Variants in MAP3K7CL observed in about 807,000 individuals in gnomAD.
The protein encoded by MAP3K7CL is MAP3K7 C-terminal-like protein.
MAP3K7CL carries 16 observed loss-of-function variants against 18.6 expected under a neutral mutation model. That is an observed-to-expected ratio of 0.86 (90% confidence interval 0.58 to 1.31). The LOEUF is 1.31. MAP3K7CL is among the 50% of genes most tolerant of loss of function. MAP3K7CL has a pLI of 0.00. For missense variants in MAP3K7CL, 163 were observed against 174.4 expected, an observed-to-expected ratio of 0.93 and a Z score of 0.37; for synonymous variants, 65 against 66.8, an observed-to-expected ratio of 0.97 and a Z score of 0.13.
chr21:29,081,183 T>A (rs889790333), upstream of MAP3K7CL, among the ~76,000 whole-genome samples: 15 of 152,200 alleles, frequency 9.9e-5, no homozygotes, highest in African/African-American at 3.6e-4. Flanking sequence ...AGGGAACATT[T>A]CATTTCATAG....
chr21:29,099,469 G>A (rs2086183268), intron 4 of MAP3K7CL, among the ~76,000 whole-genome samples: 1 of 151,958 alleles, frequency 6.6e-6, no homozygotes, highest in African/African-American at 2.4e-5. Context: ...CACACAAAAA[G>A]CCAGTATAAT....
intron 3 of MAP3K7CL, among the ~76,000 whole-genome samples, chr21:29,158,322 G>A (rs559462408): frequency 1.3e-5 from 2 of 152,242 alleles, no homozygotes; most frequent in South Asian, 4.1e-4. Context: ...ACTACTGTGC[G>A]TTATTTTTCA....
intron 4 of MAP3K7CL, among the ~76,000 whole-genome samples, chr21:29,163,129 TA>T (rs554835118): frequency 6.6e-6 from 1 of 151,766 alleles, no homozygotes; most frequent in African/African-American, 2.4e-5. Context: ...AAATAAAAAA[TA>T]AAAAAAGGAA....
Position 29,100,700 on chromosome 21 carries a change from C to CTT in MAP3K7CL, c.370+8145_370+8146dup, listed in dbSNP as rs34749282. Among the ~76,000 whole-genome samples the CTT allele has an allele frequency of 1.5e-3, 102 of 68,690 alleles. 2 individuals carry two copies. The highest frequency in any genetic ancestry group is 4.3e-3 in the African/African-American group (66 of 15,512). The allele number at this position is 68,690 out of a possible 152,430, so 45.1% of individuals were successfully genotyped here. On this transcript the variant is annotated intron_variant, in intron 4 of 6. Coordinates refer to the MAP3K7CL transcript ENST00000286791. ...AACATTAGCAGCTTAAAACAGCAAACTTTTTTTTTTTTTTTTTTTTTTTTT... is the reference window on the plus strand; with the variant it reads ...AACATTAGCAGCTTAAAACAGCAAACTTTTTTTTTTTTTTTTTTTTTTTTTTT...
intron 4 of MAP3K7CL, among the ~76,000 whole-genome samples, chr21:29,123,947 C>T (rs993283110): frequency 1.3e-5 from 2 of 152,110 alleles, no homozygotes; most frequent in Non-Finnish European, 2.9e-5. Flanking sequence ...AGGTTATATT[C>T]TTGGGAAAGA....
intron 4 of MAP3K7CL, among the ~76,000 whole-genome samples, chr21:29,167,538 G>GT (rs11295373): frequency 1.3e-3 from 200 of 150,178 alleles, no homozygotes; most frequent in African/African-American, 3.4e-3. Context: ...GAGATTTTAA[G>GT]TTTTTTTTTT....
chr21:29,125,091 G>A (rs2832196), intron 4 of MAP3K7CL, among the ~76,000 whole-genome samples: 72,788 of 151,908 alleles, frequency 0.48, 17,788 homozygotes, highest in East Asian at 0.67. Context: ...CTTTGGATGT[G>A]GTTTTTTCCT....
upstream of MAP3K7CL, chr21:29,128,090 G>T (rs1337706494): frequency 6.6e-6 from 1 of 152,136 alleles, no homozygotes; most frequent in East Asian, 1.9e-4. Flanking sequence ...AGACCCAGGG[G>T]GCCAATTTGA....
chr21:29,117,188 T>TAATC (rs1208627944), intron 4 of MAP3K7CL, among the ~76,000 whole-genome samples: 1 of 152,174 alleles, frequency 6.6e-6, no homozygotes, highest in Non-Finnish European at 1.5e-5. Context: ...CAAAAGAAGA[T>TAATC]AATCTCCTGT....
chr21:29,079,703 G>A (rs1025128951), intron 1 of MAP3K7CL, among the ~76,000 whole-genome samples: 24 of 152,166 alleles, frequency 1.6e-4, no homozygotes, highest in Admixed American at 1.0e-3. Flanking sequence ...ATGCTCTGTG[G>A]CTGTTTTGTT....
At chr21:29,164,591 A>T (rs1332987701) in intron 4 of MAP3K7CL, among the ~76,000 whole-genome samples, 1 of 152,224 alleles carries the variant, frequency 6.6e-6, no homozygotes. Flanking sequence ...TGATGAGAAG[A>T]GTTGCTGAAA....
intron 4 of MAP3K7CL, among the ~76,000 whole-genome samples, chr21:29,121,792 A>G (rs535742359): frequency 1.3e-5 from 2 of 151,620 alleles, no homozygotes; most frequent in Non-Finnish European, 2.9e-5. Flanking sequence ...TTCTGATTTT[A>G]AGAGGCTTGT....
At chr21:29,092,704 C>T in intron 4 of MAP3K7CL, 1 of 1,084,076 alleles carries the variant, frequency 9.2e-7, no homozygotes, top group Non-Finnish European at 1.3e-6. Flanking sequence ...CAGAGCAGGA[C>T]AATGGCTCTA....
In MAP3K7CL at chr21:29,118,818, T is replaced by C. The variant is rs541978646; in HGVS notation, c.370+26237T>C. Among the ~76,000 whole-genome samples the C allele has an allele frequency of 3.9e-5, 6 of 152,370 alleles. No homozygotes were observed. The East Asian group carries it at 9.6e-4, about 24-fold the overall frequency. On this transcript the variant is annotated intron_variant, in intron 4 of 6. Coordinates refer to the MAP3K7CL transcript ENST00000286791. ...CTTTAGGCAAGAGTGAGCCAACAAA[T>C]GGATCTTTAAACATTTTAATTTTTC...
At chr21:29,109,702 A>T in intron 4 of MAP3K7CL, 1 of 986,416 alleles carries the variant, frequency 1.0e-6, no homozygotes, top group African/African-American at 1.7e-5. Context: ...GCTCACTGCA[A>T]CCTTATACAA....
chr21:29,131,655 C>T (rs1044597476), intron 1 of MAP3K7CL, among the ~76,000 whole-genome samples: 4 of 152,246 alleles, frequency 2.6e-5, no homozygotes, highest in African/African-American at 4.8e-5. Flanking sequence ...TGGTGCATTG[C>T]TACTTGTAGT....
At chr21:29,080,225 G>T (rs2085813385) in intron 1 of MAP3K7CL, among the ~76,000 whole-genome samples, 1 of 152,178 alleles carries the variant, frequency 6.6e-6, no homozygotes, top group Admixed American at 6.5e-5. Context: ...GCACACATGG[G>T]GTCTTCTACT....
intron 4 of MAP3K7CL, among the ~76,000 whole-genome samples, chr21:29,163,164 G>A (rs925255657): frequency 1.3e-5 from 2 of 152,126 alleles, no homozygotes; most frequent in African/African-American, 4.8e-5. Flanking sequence ...GAAGTAACAT[G>A]GCTAGCAGGC....
At chr21:29,127,027 G>A (rs2086693146), upstream of MAP3K7CL, among the ~76,000 whole-genome samples, 1 of 152,152 alleles carries the variant, frequency 6.6e-6, no homozygotes, top group Non-Finnish European at 1.5e-5. Context: ...AGTCACTATG[G>A]CAAAGCCTGG....
Sources: allele counts gnomAD v4.1 joint callset (sites outside exome capture counted in the v4.1 genomes callset), GRCh38; gene constraint gnomAD v4.1.1; transcripts MANE v1.5; gene names NCBI Gene and HGNC (gene_info 2026-07-23, HGNC 2026-07-21).